Variants in JAG1 observed in about 807,000 individuals in gnomAD.
JAG1 encodes jagged canonical Notch ligand 1.
In JAG1, 23 loss-of-function variants were observed where a neutral mutation model predicts 148.7. That is an observed-to-expected ratio of 0.15 (90% CI 0.11 to 0.22). The LOEUF (loss-of-function observed/expected upper bound fraction) is 0.22, where lower values mean the gene tolerates loss of function less well. Ranked by LOEUF, JAG1 falls within the 10% of genes least tolerant of loss-of-function variation. The probability of loss-of-function intolerance (pLI) is 1.00; values close to 1 mark genes in which losing one functional copy is unlikely to be tolerated. For missense variants in JAG1, 1,054 were observed against 1,611.2 expected, an observed-to-expected ratio of 0.65 and a Z score of 5.92; for synonymous variants, 572 against 598.3, an observed-to-expected ratio of 0.96 and a Z score of 0.64.
intron 8 of JAG1, chr20:10,650,718 T>C (rs773478066): frequency 4.2e-5 from 13 of 306,392 alleles, no homozygotes; most frequent in Non-Finnish European, 5.7e-5. Flanking sequence ...TCAGGAAAAA[T>C]AGTTCTTTAC....
At chr20:10,668,717 C>G (rs1004839357) in intron 2 of JAG1, among the ~76,000 whole-genome samples, 1 of 151,680 alleles carries the variant, frequency 6.6e-6, no homozygotes, top group African/African-American at 2.4e-5. Context: ...AAACTTTCCA[C>G]GTCTTCTATC....
chr20:10,652,355 C>T, intron 6 of JAG1, 105 bp from the exon 7 acceptor site: 4 of 1,596,960 alleles, frequency 2.5e-6, no homozygotes, highest in Non-Finnish European at 3.4e-6. Flanking sequence ...AGAAAACCCA[C>T]ACAGCATTCA....
chr20:10,638,237 T>G lies in JAG1; in HGVS notation c.*1261A>C, dbSNP rs1415378651. ...CTAAACAGTGATCTTACTGGACATTTTATGGTTCAAGTATTCAACTAGCTT... is the reference window on the plus strand; with the variant it reads ...CTAAACAGTGATCTTACTGGACATTGTATGGTTCAAGTATTCAACTAGCTT... On this transcript the variant is annotated 3_prime_UTR_variant, in exon 26 of 26. Transcript: ENST00000254958. The G allele has an allele frequency of 2.0e-5, 3 of 152,592 alleles. No homozygotes were observed. Among genetic ancestry groups the G allele is most frequent in the African/African-American group, 7.2e-5 (3 of 41,426 alleles). The allele number at this position is 152,592 out of a possible 1,614,324, so 9.5% of individuals were successfully genotyped here.
chr20:10,644,749 T>A, intron 18 of JAG1, 114 bp downstream of exon 18: 3 of 828,810 alleles, frequency 3.6e-6, no homozygotes, highest in Non-Finnish European at 6.4e-6. Flanking sequence ...CAGACCCAGG[T>A]GATACAAAAG....
chr20:10,644,927 C>G lies in JAG1; in HGVS notation c.2280G>C (p.Val760=). 1 of 1,614,150 alleles carries G rather than the reference C, an allele frequency of 6.2e-7. No individual in the cohort carries two copies. The highest frequency in any genetic ancestry group is 1.1e-5 in the South Asian group (1 of 91,082). ...PNPCHNGGTC[V]VNGESFTCVC... ...CGCACGTAAAGGACTCGCCGTTGACCACACATGTGCCCCCATTATGGCAGG... is the reference window on the plus strand; with the variant it reads ...CGCACGTAAAGGACTCGCCGTTGACGACACATGTGCCCCCATTATGGCAGG... The change falls in exon 18 of 26, where the codon GTG becomes GTC. Residue 760 remains valine (V), a synonymous_variant. Transcript: ENST00000254958.
At chr20:10,653,272 A>G (rs1157963327) in intron 5 of JAG1, among the ~76,000 whole-genome samples, 2 of 149,770 alleles carry the variant, frequency 1.3e-5, no homozygotes, top group Admixed American at 6.7e-5. Flanking sequence ...CTTTGCCAAG[A>G]AAAGAAAAAA....
In JAG1 at chr20:10,648,685, C is replaced by G. The variant is rs376446341; in HGVS notation, c.1433G>C (p.Gly478Ala). ...VNGYRCICPP[G>A]YAGDHCERDI... ...TCTCTCACAGTGATCGCCTGCATAGCCAGGTGGACAGATACAGCGATAACC... is the reference window on the plus strand; with the variant it reads ...TCTCTCACAGTGATCGCCTGCATAGGCAGGTGGACAGATACAGCGATAACC... The change falls in exon 12 of 26, where the codon GGC (glycine) becomes GCC (alanine). Residue 478 changes from glycine (G) to alanine (A), a missense_variant. This residue lies in a region of JAG1 where 245 missense variants were observed against 373.1 expected (regional missense o/e 0.66). Coordinates refer to ENST00000254958, the MANE Select transcript of JAG1 (RefSeq NM_000214.3). 4 of 1,614,046 alleles carry G rather than the reference C, an allele frequency of 2.5e-6. No homozygotes were observed. The highest frequency in any genetic ancestry group is 2.5e-6 in the Non-Finnish European group (3 of 1,180,020).
intron 25 of JAG1, among the ~76,000 whole-genome samples, chr20:10,640,236 CTTG>C (rs1432907895): frequency 6.6e-6 from 1 of 152,230 alleles, no homozygotes; most frequent in Admixed American, 6.5e-5. Flanking sequence ...AGAGCAGTGT[CTTG>C]TTAAGTCTGG....
At chr20:10,657,560 C>T (rs1338317145) in intron 4 of JAG1, among the ~76,000 whole-genome samples, 2 of 152,168 alleles carry the variant, frequency 1.3e-5, no homozygotes, top group African/African-American at 2.4e-5. Context: ...CCACCCCTCT[C>T]TCATGGTTGA....
chr20:10,665,448 C>A (rs912584423), intron 2 of JAG1, among the ~76,000 whole-genome samples: 1 of 152,214 alleles, frequency 6.6e-6, no homozygotes, highest in Non-Finnish European at 1.5e-5. Context: ...CTGTTAGTGG[C>A]CACAGGTCCA....
In JAG1 at chr20:10,638,592, C is replaced by T. The variant is rs535594347; in HGVS notation, c.*906G>A. On this transcript the variant is annotated 3_prime_UTR_variant, in exon 26 of 26. Transcript: ENST00000254958. ...AAACTGCCTCAGTCAGTCCTTAAAACGTGTTTTAAGTGATGCTATAGAAGG... is the reference window on the plus strand; with the variant it reads ...AAACTGCCTCAGTCAGTCCTTAAAATGTGTTTTAAGTGATGCTATAGAAGG... 5 of 152,712 alleles carry T rather than the reference C, an allele frequency of 3.3e-5. No homozygotes were observed. In the East Asian group the frequency reaches 5.8e-4, roughly 18 times the overall value. The allele number at this position is 152,712 out of a possible 1,614,324, so 9.5% of individuals were successfully genotyped here.
intron 2 of JAG1, 123 bp downstream of exon 2, chr20:10,672,578 T>C: frequency 2.0e-6 from 2 of 999,788 alleles, no homozygotes; most frequent in Non-Finnish European, 3.0e-6. Context: ...CCCCTAGAGA[T>C]TTCCCCAGTT....
chr20:10,646,676 G>A (rs946566721), intron 14 of JAG1, among the ~76,000 whole-genome samples: 1 of 152,110 alleles, frequency 6.6e-6, no homozygotes, highest in Non-Finnish European at 1.5e-5. Context: ...GCTGGGCGTG[G>A]TGGGCGTGGT....
chr20:10,658,546 A>G lies in JAG1; in HGVS notation c.616T>C (p.Phe206Leu), dbSNP rs1312065894. Residue 206 changes from phenylalanine (F) to leucine (L), a missense_variant, in exon 4 of 26, where the codon TTC becomes CTC. Physicochemically the swap from Phe to Leu is conservative, Grantham distance 22. Coordinates refer to ENST00000254958, the MANE Select transcript of JAG1 (RefSeq NM_000214.3). ...TGGTCACAGGCATAGTGTCCAAAGA[A>G]GTCATCTCTGGGGCGGCAGAACTTA... is the stretch of plus-strand genomic sequence containing the variant. ...CNKFCRPRDD[F>L]FGHYACDQNG... The G allele has an allele frequency of 6.2e-7, 1 of 1,614,126 alleles. No individual in the cohort carries two copies. Among genetic ancestry groups the G allele is most frequent in the Non-Finnish European group, 8.5e-7 (1 of 1,180,044 alleles).
chr20:10,648,899 C>A, intron 11 of JAG1, 162 bp downstream of exon 11: 1 of 870,216 alleles, frequency 1.1e-6, no homozygotes, highest in Non-Finnish European at 1.9e-6. Context: ...CAAAATGACT[C>A]CCACGAGGCT....
chr20:10,657,362 A>C (rs887000869), intron 4 of JAG1, among the ~76,000 whole-genome samples: 1 of 151,732 alleles, frequency 6.6e-6, no homozygotes, highest in Non-Finnish European at 1.5e-5. Context: ...AAAAAAAAAA[A>C]AAACACCAAA....
Position 10,645,528 on chromosome 20 carries a change from C to T in JAG1, c.2000-59G>A, listed in dbSNP as rs906359372. 1.2e-5 allele frequency: 17 copies of T among 1,383,278 alleles called. No individual in the cohort carries two copies. In the Admixed American group the frequency reaches 1.3e-4, roughly 11 times the overall value. The allele number at this position is 1,383,278 out of a possible 1,614,324, so 85.7% of individuals were successfully genotyped here. The stretch of plus-strand genomic sequence containing the variant: ...GAGATCCAGGACCATTCACGACAGG[C>T]GAGAGCCAAGCCTTTCCTACTGCTT... On this transcript the variant is annotated intron_variant, in intron 15 of 25. Coordinates refer to ENST00000254958, the MANE Select transcript of JAG1 (RefSeq NM_000214.3). This position sits in a 1 kb window ranked among gnomAD's most constrained non-coding sequence, Gnocchi z 6.1.
chr20:10,660,049 G>A (rs2067405620), intron 3 of JAG1, among the ~76,000 whole-genome samples: 1 of 152,240 alleles, frequency 6.6e-6, no homozygotes, highest in South Asian at 2.1e-4. Context: ...TGGAGAGACA[G>A]TTAGGACTGA....
Position 10,645,465 on chromosome 20 carries a change from A to C in JAG1, c.2004T>G (p.Ile668Met). Residue 668 changes from isoleucine to methionine, a missense_variant, in exon 16 of 26, where the codon ATT (isoleucine) becomes ATG (methionine). Coordinates refer to ENST00000254958, the MANE Select transcript of JAG1 (RefSeq NM_000214.3). This position sits in a 1 kb window ranked among gnomAD's most constrained non-coding sequence, Gnocchi z 6.1. Reference sequence around the variant, plus strand: ...GGCAGGGGTTCTGGCTGCAGTCATTAATATCTAGAATCAAAGGGGAGACAA... The same window carrying C: ...GGCAGGGGTTCTGGCTGCAGTCATTCATATCTAGAATCAAAGGGGAGACAA... ...GWEGAYCETN[I>M]NDCSQNPCHN... The C allele has an allele frequency of 4.3e-6, 7 of 1,612,870 alleles. No individual in the cohort carries two copies. The highest frequency in any genetic ancestry group is 5.1e-6 in the Non-Finnish European group (6 of 1,178,882).
Sources: gnomAD v4.1 joint callset for allele counts (sites outside exome capture counted in the v4.1 genomes callset) on GRCh38, gnomAD v4.1.1 for gene constraint, gnomAD v4.1.1 regional missense constraint, Gnocchi (gnomAD v3.1) non-coding constraint, MANE v1.5 for transcripts, NCBI Gene and HGNC (gene_info 2026-07-23, HGNC 2026-07-21) for gene names.